Variants in DNAJB11 observed in about 807,000 individuals in gnomAD.
The protein encoded by DNAJB11 is DnaJ heat shock protein family (Hsp40) member B11.
DNAJB11 carries 30 observed loss-of-function variants against 47.2 expected under a neutral mutation model. The ratio of observed to expected loss-of-function variants is 0.64; its 90% CI spans 0.48 to 0.86. DNAJB11 has a LOEUF of 0.86. Among genes scored for constraint, DNAJB11 ranks in the 40% least tolerant of loss-of-function variants. The probability of loss-of-function intolerance (pLI) is 0.00; values close to 1 mark genes in which losing one functional copy is unlikely to be tolerated. For missense variants in DNAJB11, 357 were observed against 440.2 expected (o/e 0.81, Z 1.69); for synonymous variants, 151 against 159.9 (o/e 0.94, Z 0.42).
chr3:186,585,293 G>T, intron 9 of DNAJB11, 51 bp from the exon 10 acceptor site: 1 of 1,488,372 alleles, frequency 6.7e-7, no homozygotes, highest in South Asian at 1.2e-5. Flanking sequence ...TTAAACGCTA[G>T]GAAAGTAACA....
chr3:186,575,881 T>G lies in DNAJB11; in HGVS notation c.267T>G (p.Tyr89Ter). The change falls in exon 3 of 10, where the codon TAT (tyrosine) becomes TAG (stop). Residue 89 changes from tyrosine to a stop codon, truncating the protein, a stop_gained. Transcript: ENST00000265028. LOFTEE classifies it high-confidence loss of function. ...AGAAACGGAAACAGTACGATACTTATGGTGAAGAAGGATTAAAAGATGGTC... is the reference window on the plus strand; with the variant it reads ...AGAAACGGAAACAGTACGATACTTAGGGTGAAGAAGGATTAAAAGATGGTC... ...DSEKRKQYDT[Y>*]GEEGLKDGHQ... The G allele has an allele frequency of 6.2e-7, 1 of 1,614,032 alleles. No homozygotes were observed. The highest frequency in any genetic ancestry group is 8.5e-7 in the Non-Finnish European group (1 of 1,179,942).
Position 186,584,420 on chromosome 3 carries a change from G to A in DNAJB11, c.853-10G>A, listed in dbSNP as rs765120211. ...GCTCCTGCTGCAGTACATTCCCTTT[G>A]GTTTTCTAGGTACATATTTCCCGGG... On this transcript the variant is annotated splice_polypyrimidine_tract_variant and intron_variant, in intron 8 of 9. Coordinates refer to ENST00000265028, the MANE Select transcript of DNAJB11 (RefSeq NM_016306.6). 1 of 1,538,786 alleles carries A rather than the reference G, an allele frequency of 6.5e-7. No homozygotes were observed. Among genetic ancestry groups the A allele is most frequent in the South Asian group, 1.3e-5 (1 of 76,996 alleles).
At chr3:186,579,497 T>C (rs569980097) in intron 4 of DNAJB11, 1 of 152,380 alleles carries the variant, frequency 6.6e-6, no homozygotes, top group South Asian at 2.1e-4. Context: ...ATTATCATGC[T>C]TGTTTTAAGT....
At chr3:186,580,200 G>C (rs1401757230) in intron 4 of DNAJB11, 1 of 152,124 alleles carries the variant, frequency 6.6e-6, no homozygotes, top group South Asian at 2.1e-4. Context: ...GTGTGTTCCC[G>C]AACAAACTCT....
intron 7 of DNAJB11, 98 bp downstream of exon 7, chr3:186,582,871 C>A: frequency 1.1e-6 from 1 of 871,758 alleles, no homozygotes; most frequent in South Asian, 1.4e-5. Context: ...GTTTCTTACC[C>A]TTATTACCCT....
chr3:186,579,348 C>G (rs1224593221), intron 4 of DNAJB11: 1 of 152,184 alleles, frequency 6.6e-6, no homozygotes, highest in Non-Finnish European at 1.5e-5. Context: ...CTACTTCAGT[C>G]TTCAGCTATA....
chr3:186,582,210 T>C, intron 6 of DNAJB11, 133 bp downstream of exon 6: 1 of 683,252 alleles, frequency 1.5e-6, no homozygotes, highest in Middle Eastern at 2.9e-4. Flanking sequence ...CCAACACTCT[T>C]CGGCCAATTT....
chr3:186,580,508 A>G (rs1039332190), intron 4 of DNAJB11: 8 of 152,178 alleles, frequency 5.3e-5, no homozygotes, highest in Non-Finnish European at 1.0e-4. Context: ...TAATAACAGT[A>G]CCTGTCTCAT....
chr3:186,575,904 G>A lies in DNAJB11; in HGVS notation c.290G>A (p.Gly97Asp). Residue 97 changes from glycine (G) to aspartate (D), a missense_variant, in exon 3 of 10, where the codon GGT (glycine) becomes GAT (aspartate). Transcript: ENST00000265028. The part of the protein sequence containing the change: ...DTYGEEGLKD[G>D]HQSSHGDIFS... ...TATGGTGAAGAAGGATTAAAAGATG[G>A]TCATCAGAGCTCCCATGGAGACATT... The A allele has an allele frequency of 6.2e-7, 1 of 1,613,934 alleles. No individual in the cohort carries two copies. Among genetic ancestry groups the A allele is most frequent in the Non-Finnish European group, 8.5e-7 (1 of 1,179,898 alleles).
At chr3:186,579,898 A>C (rs1422564352) in intron 4 of DNAJB11, 1 of 152,222 alleles carries the variant, frequency 6.6e-6, no homozygotes, top group African/African-American at 2.4e-5. Context: ...AGGATACTGG[A>C]GGAGACAGCC....
Position 186,572,076 on chromosome 3 carries a change from C to A in DNAJB11, c.69-19C>A, listed in dbSNP as rs1715081216. Reference sequence around the variant, plus strand: ...ACATGTAACTCTTTAATGAAGTATTCTCTCCCTCTACTTCCCAGACGAGAT... The same window carrying A: ...ACATGTAACTCTTTAATGAAGTATTATCTCCCTCTACTTCCCAGACGAGAT... On this transcript the variant is annotated intron_variant, in intron 1 of 9. Transcript: ENST00000265028. The A allele has an allele frequency of 4.5e-6, 7 of 1,545,064 alleles. No homozygotes were observed. The highest frequency in any genetic ancestry group is 6.1e-6 in the Non-Finnish European group (7 of 1,148,448).
rs1244042115 is a variant in DNAJB11 at position 186,572,209 on chromosome 3, A to G, written c.183A>G (p.Pro61=). ...QLHPDRNPDD[P]QAQEKFQDLG... ...ATCCCGACCGGAACCCTGATGATCC[A>G]CAAGCCCAGGAGAAATTCCAGGATC... Residue 61 remains proline, a synonymous_variant, in exon 2 of 10, where the codon CCA becomes CCG. Transcript: ENST00000265028. The G allele has an allele frequency of 1.9e-6, 3 of 1,613,592 alleles. No homozygotes were observed. In the Admixed American group the frequency reaches 5.0e-5, roughly 27 times the overall value.
At chr3:186,584,971 G>C (rs1715632762) in intron 9 of DNAJB11, among the ~76,000 whole-genome samples, 1 of 152,056 alleles carries the variant, frequency 6.6e-6, no homozygotes, top group Non-Finnish European at 1.5e-5. Flanking sequence ...GCCCCACTGG[G>C]GGTCCTAAAT....
rs1214226519 is a variant in DNAJB11, at chr3:186,577,796, T to G, written c.452T>G (p.Val151Gly). Residue 151 changes from valine (V) to glycine (G), a missense_variant, in exon 4 of 10, where the codon GTG (valine) becomes GGG (glycine). Coordinates refer to ENST00000265028, the MANE Select transcript of DNAJB11 (RefSeq NM_016306.6). ...GAAGAAGTATATGCAGGAAATTTTG[T>G]GGAAGTAAGTTCAAACAATATAGCT... ...TLEEVYAGNF[V>G]EVVRNKPVAR... The G allele has an allele frequency of 6.3e-7, 1 of 1,597,748 alleles. No individual in the cohort carries two copies. The highest frequency in any genetic ancestry group is 8.5e-7 in the Non-Finnish European group (1 of 1,174,406).
chr3:186,584,394 C>G (rs114566702), intron 8 of DNAJB11, 36 bp from the exon 9 acceptor site: 5 of 1,507,112 alleles, frequency 3.3e-6, no homozygotes, highest in Non-Finnish European at 4.4e-6. Flanking sequence ...TCAGATGTAC[C>G]GCTCCTGCTG....
chr3:186,584,706 T>G, intron 9 of DNAJB11, 117 bp downstream of exon 9: 1 of 1,057,448 alleles, frequency 9.5e-7, no homozygotes. Flanking sequence ...CATCAATCAT[T>G]AATGCTAGTA....
chr3:186,571,803 G>A (rs1715067996), intron 1 of DNAJB11, among the ~76,000 whole-genome samples: 1 of 152,230 alleles, frequency 6.6e-6, no homozygotes, highest in African/African-American at 2.4e-5. Flanking sequence ...AAATAAGGAA[G>A]TGGTTTTCTT....
chr3:186,570,840 C>T lies in DNAJB11; in HGVS notation c.-58C>T, dbSNP rs1715015345. On this transcript the variant is annotated 5_prime_UTR_variant, in exon 1 of 10. The change creates a new upstream start codon in the 5' untranslated region. Coordinates refer to ENST00000265028, the MANE Select transcript of DNAJB11 (RefSeq NM_016306.6). ...AGGGCCGGGTGGGCTGGCGAGCCGA[C>T]GCGGCGGCGGAGGAGGCTGTGAGGA... 1.3e-6 allele frequency: 2 copies of T among 1,535,744 alleles called. No homozygotes were observed. The highest frequency in any genetic ancestry group is 1.9e-5 in the Admixed American group (1 of 51,472).
rs993217743 is a variant in DNAJB11, at chr3:186,572,199, C to G, written c.173C>G (p.Pro58Arg). ...CTGCAGCTTCATCCCGACCGGAACCCTGATGATCCACAAGCCCAGGAGAAA... is the reference window on the plus strand; with the variant it reads ...CTGCAGCTTCATCCCGACCGGAACCGTGATGATCCACAAGCCCAGGAGAAA... ...LALQLHPDRN[P>R]DDPQAQEKFQ... The change falls in exon 2 of 10, where the codon CCT (proline) becomes CGT (arginine). Residue 58 changes from proline to arginine, a missense_variant. Physicochemically the swap from Pro to Arg is moderately radical, Grantham distance 103. Transcript: ENST00000265028. 1.1e-5 allele frequency: 17 copies of G among 1,613,820 alleles called. No homozygotes were observed. The highest frequency in any genetic ancestry group is 1.2e-5 in the Non-Finnish European group (14 of 1,179,958).
Sources: gnomAD v4.1 joint callset for allele counts (sites outside exome capture counted in the v4.1 genomes callset) on GRCh38, gnomAD v4.1.1 for gene constraint, MANE v1.5 for transcripts, NCBI Gene and HGNC (gene_info 2026-07-23, HGNC 2026-07-21) for gene names.